Variants in CNNM4 observed in about 807,000 individuals in gnomAD.
The protein encoded by CNNM4 is cyclin and CBS domain divalent metal cation transport mediator 4.
In CNNM4, 32 loss-of-function variants were observed where a neutral mutation model predicts 53.7. The ratio of observed to expected loss-of-function variants is 0.60; its 90% CI spans 0.45 to 0.80. The LOEUF (loss-of-function observed/expected upper bound fraction) is 0.80. Ranked by LOEUF, CNNM4 falls within the 30% of genes least tolerant of loss-of-function variation. The pLI is 0.00. For synonymous variants in CNNM4, 410 were observed against 440.0 expected (o/e 0.93, Z 0.85); for missense variants, 784 against 1,022.0 (o/e 0.77, Z 3.17).
At chr2:96,789,850 G>A (rs373678918) in intron 1 of CNNM4, among the ~76,000 whole-genome samples, 38 of 147,000 alleles carry the variant, frequency 2.6e-4, no homozygotes, top group African/African-American at 9.3e-4. Context: ...GCGCCACCAC[G>A]CCTGGCTAAT....
chr2:96,793,831 C>T (rs1291660629), intron 1 of CNNM4, among the ~76,000 whole-genome samples: 1 of 152,052 alleles, frequency 6.6e-6, no homozygotes, highest in African/African-American at 2.4e-5. Context: ...GGTATGGTGG[C>T]GCACACCCAG....
chr2:96,764,093 A>G (rs191110932), intron 1 of CNNM4, among the ~76,000 whole-genome samples: 3 of 151,680 alleles, frequency 2.0e-5, no homozygotes, highest in East Asian at 2.0e-4. Flanking sequence ...GTTTGGGACT[A>G]TGGTTTGTGA....
At chr2:96,773,915 A>G (rs1027056947) in intron 1 of CNNM4, among the ~76,000 whole-genome samples, 3 of 152,048 alleles carry the variant, frequency 2.0e-5, no homozygotes, top group African/African-American at 7.2e-5. Flanking sequence ...ACTGAGCTCA[A>G]AAGAACCCTC....
chr2:96,777,186 A>C (rs2078932622), intron 1 of CNNM4, among the ~76,000 whole-genome samples: 1 of 151,210 alleles, frequency 6.6e-6, no homozygotes, highest in African/African-American at 2.4e-5. Flanking sequence ...ACACCCAGCT[A>C]ATGTTTGTAT....
At position 96,801,616 on chromosome 2, in the gene CNNM4, CAG is replaced by C. The variant is rs2079159292; in HGVS notation, c.1948+1972_1948+1973del. Among the ~76,000 whole-genome samples the C allele has an allele frequency of 6.8e-6, 1 of 147,588 alleles. No individual in the cohort carries two copies. Among genetic ancestry groups the C allele is most frequent in the African/African-American group, 2.6e-5 (1 of 38,948 alleles). On this transcript the variant is annotated intron_variant, in intron 5 of 6. Transcript: ENST00000377075. The surrounding 1 kb of genome is among the most constrained non-coding windows in gnomAD (Gnocchi z 5.6). Reference sequence around the variant, plus strand: ...AGACCACACACACAGAGACCACACACAGAGACCACACGCAGAGAGACCACACA... The same window carrying C: ...AGACCACACACACAGAGACCACACACAGACCACACGCAGAGAGACCACACA...
chr2:96,782,077 G>C (rs1351173957), intron 1 of CNNM4, among the ~76,000 whole-genome samples: 2 of 152,118 alleles, frequency 1.3e-5, no homozygotes, highest in African/African-American at 4.8e-5. Context: ...TATAACCGGA[G>C]TAGAACTAAC....
chr2:96,799,117 A>G lies in CNNM4; in HGVS notation c.1742A>G (p.Tyr581Cys), dbSNP rs770894531. The G allele has an allele frequency of 6.2e-7, 1 of 1,613,906 alleles. No homozygotes were observed. The highest frequency in any genetic ancestry group is 2.2e-5 in the East Asian group (1 of 44,878). Residue 581 changes from tyrosine to cysteine, a missense_variant, in exon 4 of 7, where the codon TAC (tyrosine) becomes TGC (cysteine). Tyr to Cys is a radical substitution (Grantham distance 194, BLOSUM62 -2). Coordinates refer to ENST00000377075, the MANE Select transcript of CNNM4 (RefSeq NM_020184.4). ...SEKILLRLLK[Y>C]PDVIQELKFD... ...AAGATCCTGCTGCGGCTACTCAAGT[A>G]CCCAGATGTCATTCAGGAACTCAAG...
In CNNM4 at chr2:96,800,993, G is replaced by A. The variant is rs1346294964; in HGVS notation, c.1948+1345G>A. On this transcript the variant is annotated intron_variant, in intron 5 of 6. Coordinates refer to ENST00000377075, the MANE Select transcript of CNNM4 (RefSeq NM_020184.4). The surrounding 1 kb of genome is among the most constrained non-coding windows in gnomAD (Gnocchi z 4.6). ...GCCCAAAGCAGCCTGGCCCCGTCAG[G>A]TCTGCCTCTGTCCTGTGCCTGTGGT... The A allele has an allele frequency of 6.4e-6, 4 of 626,358 alleles. No homozygotes were observed. Among genetic ancestry groups the A allele is most frequent in the Non-Finnish European group, 6.0e-6 (3 of 502,286 alleles). The allele number at this position is 626,358 out of a possible 1,614,324, so 38.8% of individuals were successfully genotyped here.
rs532217109 is a variant in CNNM4 at position 96,801,596 on chromosome 2, A to ACACACACAGAGAC, written c.1948+1967_1948+1979dup. ...GAGATAGCACACACACAGAGAGACC[A>ACACACACAGAGAC]CACACACAGAGACCACACACAGAGA... On this transcript the variant is annotated intron_variant, in intron 5 of 6. Transcript: ENST00000377075. This position sits in a 1 kb window ranked among gnomAD's most constrained non-coding sequence, Gnocchi z 5.6. 6.7e-6 allele frequency among the ~76,000 whole-genome samples: 1 copy of ACACACACAGAGAC among 149,898 alleles called. No homozygotes were observed. Among genetic ancestry groups the ACACACACAGAGAC allele is most frequent in the East Asian group, 2.0e-4 (1 of 5,078 alleles).
intron 1 of CNNM4, among the ~76,000 whole-genome samples, chr2:96,764,209 T>G (rs2078792545): frequency 6.6e-6 from 1 of 152,146 alleles, no homozygotes. Flanking sequence ...TGAGCTCTCT[T>G]GGGTTGGAGC....
rs907782083 is a variant in CNNM4, at chr2:96,778,626, A to T, written c.1402+16225A>T. On this transcript the variant is annotated intron_variant, in intron 1 of 6. Coordinates refer to ENST00000377075, the MANE Select transcript of CNNM4 (RefSeq NM_020184.4). ...TATTGTAAGCAGGATTGCCTTAAAA[A>T]TTTTTTTTTATATGAGGGTCTCACT... is the stretch of plus-strand genomic sequence containing the variant. Among the ~76,000 whole-genome samples, 24 of 151,170 alleles carry T rather than the reference A, an allele frequency of 1.6e-4. No homozygotes were observed. The East Asian group carries it at 2.5e-3, about 16-fold the overall frequency.
intron 5 of CNNM4, among the ~76,000 whole-genome samples, chr2:96,805,323 C>T (rs1050800825): frequency 4.0e-5 from 6 of 149,198 alleles, no homozygotes. Flanking sequence ...ACTGTAGTTT[C>T]CTAGTTTTAT....
chr2:96,806,534 C>CGT (rs2079209078), intron 5 of CNNM4, among the ~76,000 whole-genome samples: 1 of 116,876 alleles, frequency 8.6e-6, no homozygotes, highest in African/African-American at 3.2e-5. Context: ...CACACACACA[C>CGT]ACGCGCGCGC....
intron 1 of CNNM4, among the ~76,000 whole-genome samples, chr2:96,770,132 TC>T (rs2078856066): frequency 6.6e-6 from 1 of 152,242 alleles, no homozygotes. Flanking sequence ...GAGAGGACAC[TC>T]ACGTGTCTTC....
chr2:96,808,837 C>T lies in CNNM4; in HGVS notation c.2130+95C>T, dbSNP rs748791059. 294 of 1,254,324 alleles carry T rather than the reference C, an allele frequency of 2.3e-4. No homozygotes were observed. The highest frequency in any genetic ancestry group is 3.2e-4 in the Non-Finnish European group (275 of 868,110). The allele number at this position is 1,254,324 out of a possible 1,614,324, so 77.7% of individuals were successfully genotyped here. A position where few individuals can be genotyped will look rare whatever the true frequency, so the allele number is the denominator to read the frequency against. ...CCAAACCCAGCATGGTGGGCCCAAA[C>T]CCGAGATGCCTTTTTCTTCTGGAGA... On this transcript the variant is annotated intron_variant, in intron 6 of 6. Coordinates refer to ENST00000377075, the MANE Select transcript of CNNM4 (RefSeq NM_020184.4). This position sits in a 1 kb window ranked among gnomAD's most constrained non-coding sequence, Gnocchi z 4.9.
intron 1 of CNNM4, among the ~76,000 whole-genome samples, chr2:96,769,259 AG>A (rs1226482669): frequency 1.3e-5 from 2 of 150,998 alleles, no homozygotes; most frequent in African/African-American, 4.9e-5. Flanking sequence ...TCAATAAAAA[AG>A]GAGTCGGCCA....
intron 5 of CNNM4, among the ~76,000 whole-genome samples, chr2:96,804,489 C>T (rs1421005529): frequency 6.6e-6 from 1 of 151,968 alleles, no homozygotes; most frequent in East Asian, 1.9e-4. Flanking sequence ...GCAACCTCCA[C>T]CTCCCAGGTT....
At position 96,801,374 on chromosome 2, in the gene CNNM4, A is replaced by G. The variant is rs2079155914; in HGVS notation, c.1948+1726A>G. Among the ~76,000 whole-genome samples the G allele has an allele frequency of 6.6e-6, 1 of 152,130 alleles. No homozygotes were observed. The highest frequency in any genetic ancestry group is 1.5e-5 in the Non-Finnish European group (1 of 68,022). The stretch of plus-strand genomic sequence containing the variant: ...CACACTCATAGACACATACACACAG[A>G]GACACACAGAGAGATACACATACAG... On this transcript the variant is annotated intron_variant, in intron 5 of 6. Transcript: ENST00000377075. The surrounding 1 kb of genome is among the most constrained non-coding windows in gnomAD (Gnocchi z 5.6).
intron 1 of CNNM4, among the ~76,000 whole-genome samples, chr2:96,765,370 C>T (rs2078807240): frequency 6.6e-6 from 1 of 152,022 alleles, no homozygotes; most frequent in East Asian, 2.0e-4. Flanking sequence ...AGGTGATCCA[C>T]CCGCCTTGGC....
Sources: allele counts gnomAD v4.1 joint callset (sites outside exome capture counted in the v4.1 genomes callset), GRCh38; gene constraint gnomAD v4.1.1; non-coding constraint Gnocchi (gnomAD v3.1); transcripts MANE v1.5; gene names NCBI Gene and HGNC (gene_info 2026-07-23, HGNC 2026-07-21).